Variants in LRRC37A2 observed in about 807,000 individuals in gnomAD.
The protein encoded by LRRC37A2 is leucine rich repeat containing 37 member A2.
A neutral mutation model predicts 68.8 loss-of-function variants in LRRC37A2; 9 were observed. That is an observed-to-expected ratio of 0.13 (90% confidence interval 0.08 to 0.23). The LOEUF is 0.23. Among genes scored for constraint, LRRC37A2 ranks in the 10% least tolerant of loss-of-function variants. The pLI is 1.00. For missense variants in LRRC37A2, 168 were observed against 950.4 expected, an observed-to-expected ratio of 0.18 and a Z score of 10.82; for synonymous variants, 63 against 367.6, an observed-to-expected ratio of 0.17 and a Z score of 9.48.
the LRRC37A2 span, among the ~76,000 whole-genome samples, chr17:46,772,188 C>A: frequency 5.5e-4 from 84 of 152,290 alleles, no homozygotes; most frequent in Non-Finnish European, 5.9e-5. Flanking sequence ...TATGCGCTCG[C>A]GGCGTCTTCC....
the LRRC37A2 span, among the ~76,000 whole-genome samples, chr17:47,028,625 A>G: frequency 2.0e-5 from 3 of 152,170 alleles, no homozygotes; most frequent in African/African-American, 7.2e-5. Flanking sequence ...AATTAGCCTT[A>G]TTGCTGGGCG....
chr17:46,810,957 C>A, the LRRC37A2 span, among the ~76,000 whole-genome samples: 19 of 152,246 alleles, frequency 1.2e-4, no homozygotes, highest in Admixed American at 4.6e-4. Flanking sequence ...CTGGCATCTC[C>A]TTCATTCCCT....
the LRRC37A2 span, among the ~76,000 whole-genome samples, chr17:46,832,384 A>C: frequency 7.7e-6 from 1 of 129,746 alleles, no homozygotes. Flanking sequence ...AACACAAGAC[A>C]CAGGGGGGAA....
the LRRC37A2 span, among the ~76,000 whole-genome samples, chr17:46,791,275 G>A: frequency 2.6e-5 from 4 of 151,660 alleles, no homozygotes; most frequent in African/African-American, 7.3e-5. Flanking sequence ...GTGCAGTGGC[G>A]TGATCTCAGC....
the LRRC37A2 span, among the ~76,000 whole-genome samples, chr17:46,732,298 C>T: frequency 6.6e-6 from 1 of 152,122 alleles, no homozygotes; most frequent in Non-Finnish European, 1.5e-5. Flanking sequence ...AGAATCCCTT[C>T]AGGGGCACTA....
the LRRC37A2 span, among the ~76,000 whole-genome samples, chr17:46,897,188 C>T: frequency 7.9e-5 from 12 of 152,208 alleles, no homozygotes; most frequent in African/African-American, 2.4e-4. Context: ...TGTTTCTGAC[C>T]AGCTGCGGCC....
the LRRC37A2 span, among the ~76,000 whole-genome samples, chr17:46,496,476 G>C: frequency 6.1e-5 from 9 of 148,002 alleles, 1 homozygote; most frequent in African/African-American, 2.3e-4. Context: ...GGTGGCACAC[G>C]TCTGTAGTCC....
At chr17:46,834,241 C>T in the LRRC37A2 span, among the ~76,000 whole-genome samples, 1 of 152,120 alleles carries the variant, frequency 6.6e-6, no homozygotes, top group African/African-American at 2.4e-5. Flanking sequence ...GGCTGAATCT[C>T]CATGAGGTGG....
the LRRC37A2 span, among the ~76,000 whole-genome samples, chr17:46,899,778 T>C: frequency 6.6e-6 from 1 of 152,158 alleles, no homozygotes; most frequent in Non-Finnish European, 1.5e-5. Context: ...ATGTGAATTG[T>C]ATCCCCATAG....
the LRRC37A2 span, among the ~76,000 whole-genome samples, chr17:46,461,369 CTT>C: frequency 1.3e-4 from 14 of 108,514 alleles, 5 homozygotes; most frequent in Admixed American, 1.8e-4. Flanking sequence ...TTATAGAGAG[CTT>C]ACCTAAAGTA....
At chr17:46,747,710 C>T in the LRRC37A2 span, among the ~76,000 whole-genome samples, 1 of 152,006 alleles carries the variant, frequency 6.6e-6, no homozygotes, top group Non-Finnish European at 1.5e-5. Context: ...TTGATACTAA[C>T]CTGAAAAGTA....
the LRRC37A2 span, among the ~76,000 whole-genome samples, chr17:46,775,185 C>T: frequency 1.3e-5 from 2 of 152,232 alleles, no homozygotes; most frequent in African/African-American, 4.8e-5. Flanking sequence ...ACTTTATATA[C>T]AACATTTCTG....
At chr17:46,908,884 G>A in the LRRC37A2 span, among the ~76,000 whole-genome samples, 1 of 152,186 alleles carries the variant, frequency 6.6e-6, no homozygotes, top group Non-Finnish European at 1.5e-5. Flanking sequence ...AAATGGAGGA[G>A]CTATTCAGTC....
At chr17:46,907,593 T>C in the LRRC37A2 span, among the ~76,000 whole-genome samples, 1 of 147,796 alleles carries the variant, frequency 6.8e-6, no homozygotes, top group African/African-American at 2.5e-5. Flanking sequence ...CTCCAGCAGA[T>C]TGGGAGGCTG....
the LRRC37A2 span, chr17:46,941,370 T>A: frequency 1.0e-6 from 1 of 983,374 alleles, no homozygotes; most frequent in Non-Finnish European, 1.2e-6. Context: ...GAAAATCACA[T>A]TTTGTAAAAG....
At chr17:47,017,363 T>G in the LRRC37A2 span, 1 of 1,562,394 alleles carries the variant, frequency 6.4e-7, no homozygotes, top group South Asian at 1.1e-5. Flanking sequence ...TGGGGCCGCC[T>G]GAGCCCTGGT....
chr17:46,855,896 T>C, the LRRC37A2 span, among the ~76,000 whole-genome samples: 12 of 152,196 alleles, frequency 7.9e-5, no homozygotes, highest in Middle Eastern at 3.4e-3. Context: ...ACCATGTTGA[T>C]CAGGCTGGTC....
At chr17:46,986,919 T>A in the LRRC37A2 span, among the ~76,000 whole-genome samples, 3 of 151,732 alleles carry the variant, frequency 2.0e-5, no homozygotes, top group Admixed American at 6.6e-5. Flanking sequence ...AGGAATAGCA[T>A]GTGCAGTGGC....
At chr17:47,011,103 T>C in the LRRC37A2 span, among the ~76,000 whole-genome samples, 1 of 152,080 alleles carries the variant, frequency 6.6e-6, no homozygotes, top group Non-Finnish European at 1.5e-5. Context: ...AGGGTAGCCA[T>C]CCTGTCCAAC....
Sources: allele counts gnomAD v4.1 joint callset (sites outside exome capture counted in the v4.1 genomes callset), GRCh38; gene constraint gnomAD v4.1.1; transcripts MANE v1.5; gene names NCBI Gene and HGNC (gene_info 2026-07-23, HGNC 2026-07-21).